The following RELN variants were observed in gnomAD, a reference collection of about 807,000 sequenced individuals.
RELN encodes the protein reelin.
RELN carries 108 observed loss-of-function variants against 427.6 expected under a neutral mutation model. The ratio of observed to expected loss-of-function variants is 0.25; its 90% CI spans 0.22 to 0.30. The LOEUF is 0.30. RELN is among the 10% of genes least tolerant of loss of function. The probability of loss-of-function intolerance (pLI) is 1.00; values close to 1 mark genes in which losing one functional copy is unlikely to be tolerated. For synonymous variants in RELN, 1,524 were observed against 1,513.4 expected (o/e 1.01, Z -0.16); for missense variants, 3,715 against 4,302.8 (o/e 0.86, Z 3.82).
chr7:103,907,096 A>T (rs1346260327), intron 2 of RELN, among the ~76,000 whole-genome samples: 1 of 152,152 alleles, frequency 6.6e-6, no homozygotes, highest in East Asian at 1.9e-4. Context: ...TTATGCCAGG[A>T]TAAACCTTGA....
In RELN at chr7:103,539,296, G is replaced by T. The variant is rs116065504; in HGVS notation, c.6962C>A (p.Thr2321Lys). Residue 2321 changes from threonine to lysine, a missense_variant, in exon 45 of 65, where the codon ACG (threonine) becomes AAG (lysine). Physicochemically the swap from Thr to Lys is moderately conservative, Grantham distance 78 (BLOSUM62 -1). Coordinates refer to ENST00000428762, the MANE Select transcript of RELN (RefSeq NM_005045.4). ...ILIGGNISGNTVLEDDFTTLD... is the reference protein window; with the variant it reads ...ILIGGNISGNKVLEDDFTTLD... ...GGTTGTGAAATCATCTTCCAAGACCGTATTACCAGAAATATTTCCTCCAAT... is the reference window on the plus strand; with the variant it reads ...GGTTGTGAAATCATCTTCCAAGACCTTATTACCAGAAATATTTCCTCCAAT... The T allele has an allele frequency of 6.2e-7, 1 of 1,613,758 alleles. No homozygotes were observed. The highest frequency in any genetic ancestry group is 8.5e-7 in the Non-Finnish European group (1 of 1,179,788).
chr7:103,911,690 T>C (rs1429998781), intron 2 of RELN, among the ~76,000 whole-genome samples: 1 of 146,546 alleles, frequency 6.8e-6, no homozygotes, highest in Non-Finnish European at 1.5e-5. Context: ...AATGATGAGT[T>C]CATGTCCTTT....
intron 3 of RELN, among the ~76,000 whole-genome samples, chr7:103,814,742 G>A (rs1289932126): frequency 6.9e-6 from 1 of 145,698 alleles, no homozygotes; most frequent in Non-Finnish European, 1.5e-5. Context: ...GGGTTCTACT[G>A]TGGGCTGTCA....
intron 61 of RELN, among the ~76,000 whole-genome samples, chr7:103,485,229 C>A (rs1195058090): frequency 1.2e-4 from 12 of 96,440 alleles, no homozygotes; most frequent in Admixed American, 5.1e-4. Flanking sequence ...TTTGGCAGGC[C>A]AAAAAAAAAA....
intron 10 of RELN, among the ~76,000 whole-genome samples, chr7:103,689,243 A>C (rs1239395571): frequency 6.6e-6 from 1 of 152,086 alleles, no homozygotes; most frequent in African/African-American, 2.4e-5. Flanking sequence ...CCACACAATG[A>C]ACTAGGGTAA....
At chr7:103,605,313 A>G (rs1584337215) in intron 22 of RELN, among the ~76,000 whole-genome samples, 1 of 152,298 alleles carries the variant, frequency 6.6e-6, no homozygotes, top group South Asian at 2.1e-4. Flanking sequence ...TACAAAGAAG[A>G]ATATCTGGAT....
chr7:103,853,909 A>ACTT (rs1793882725), intron 2 of RELN, among the ~76,000 whole-genome samples: 1 of 152,140 alleles, frequency 6.6e-6, no homozygotes, highest in Non-Finnish European at 1.5e-5. Flanking sequence ...CCTGTAGCAC[A>ACTT]GTTGGGTGAG....
intron 2 of RELN, among the ~76,000 whole-genome samples, chr7:103,889,001 A>G (rs910710818): frequency 3.3e-5 from 5 of 152,080 alleles, no homozygotes; most frequent in African/African-American, 1.2e-4. Flanking sequence ...TGACCTCAAC[A>G]TGCAGAGGAC....
chr7:103,802,962 T>C (rs1792505576), intron 3 of RELN, among the ~76,000 whole-genome samples: 1 of 152,168 alleles, frequency 6.6e-6, no homozygotes, highest in Non-Finnish European at 1.5e-5. Context: ...TACAAAGTAA[T>C]ATAACACCGT....
At chr7:103,980,691 C>A (rs1796972863) in intron 1 of RELN, among the ~76,000 whole-genome samples, 2 of 152,284 alleles carry the variant, frequency 1.3e-5, no homozygotes, top group Admixed American at 1.3e-4. Flanking sequence ...GTGAAAATTA[C>A]ATGAATTAAT....
Position 103,472,422 on chromosome 7 carries a change from C to T in RELN, c.*390G>A. ...TAAAACATGAGACATAGCCGAAATA[C>T]AGTCCACTTAAATAGCTTTGTGACC... On this transcript the variant is annotated 3_prime_UTR_variant, in exon 65 of 65. Transcript: ENST00000428762. 1 of 264,070 alleles carries T rather than the reference C, an allele frequency of 3.8e-6. No individual in the cohort carries two copies. The highest frequency in any genetic ancestry group is 7.4e-6 in the Non-Finnish European group (1 of 135,478). The allele number at this position is 264,070 out of a possible 1,614,324, so 16.4% of individuals were successfully genotyped here.
At chr7:103,720,770 T>C (rs946879807) in intron 8 of RELN, among the ~76,000 whole-genome samples, 2 of 152,188 alleles carry the variant, frequency 1.3e-5, no homozygotes, top group African/African-American at 2.4e-5. Flanking sequence ...TTCTAGAATT[T>C]GTGAGTGTTC....
intron 4 of RELN, among the ~76,000 whole-genome samples, chr7:103,773,365 C>G (rs1177201731): frequency 5.6e-5 from 2 of 35,620 alleles, no homozygotes; most frequent in Admixed American, 2.3e-4. Context: ...CCCTCTCTCT[C>G]TCTCCCTCCC....
intron 41 of RELN, among the ~76,000 whole-genome samples, chr7:103,547,425 T>C (rs1373857938): frequency 1.4e-5 from 2 of 146,254 alleles, no homozygotes; most frequent in Admixed American, 6.8e-5. Context: ...GCCTCCAGAG[T>C]AGCTGGGATT....
intron 3 of RELN, among the ~76,000 whole-genome samples, chr7:103,788,185 A>G (rs1792068502): frequency 6.6e-6 from 1 of 152,244 alleles, no homozygotes; most frequent in African/African-American, 2.4e-5. Context: ...GATGGAATGT[A>G]TCTCAAAATA....
At chr7:103,644,106 G>GA (rs568497177) in intron 16 of RELN, among the ~76,000 whole-genome samples, 1 of 150,808 alleles carries the variant, frequency 6.6e-6, no homozygotes, top group Middle Eastern at 3.2e-3. Flanking sequence ...ATCCTCAAGA[G>GA]AAAAAAAATT....
intron 11 of RELN, among the ~76,000 whole-genome samples, chr7:103,681,132 G>A (rs1833644638): frequency 6.6e-6 from 1 of 152,114 alleles, no homozygotes; most frequent in Admixed American, 6.5e-5. Flanking sequence ...GATACAACAA[G>A]CTAAAAAAGA....
rs536866667 is a variant in RELN, at chr7:103,629,852, A to G, written c.2702+88T>C. ...CTATTTAGTAAATACTTGTCAACAA[A>G]TGACTAAATGCTGAATAGACTGGAA... On this transcript the variant is annotated intron_variant, in intron 20 of 64. Transcript: ENST00000428762. The G allele has an allele frequency of 9.0e-5, 81 of 900,276 alleles. No individual in the cohort carries two copies. In the East Asian group the frequency reaches 1.9e-3, roughly 22 times the overall value. The allele number at this position is 900,276 out of a possible 1,614,324, so 55.8% of individuals were successfully genotyped here. A position where few individuals can be genotyped will look rare whatever the true frequency, so the allele number is the denominator to read the frequency against.
rs144996601 is a variant in RELN, at chr7:103,763,990, C to A, written c.545-10776G>T. ...CACACTGGATATAGACATGGATGACCACAAGGAATAAGCAAAGAAATGTGT... is the reference window on the plus strand; with the variant it reads ...CACACTGGATATAGACATGGATGACAACAAGGAATAAGCAAAGAAATGTGT... On this transcript the variant is annotated intron_variant, in intron 4 of 64. Transcript: ENST00000428762. 3.9e-5 allele frequency among the ~76,000 whole-genome samples: 6 copies of A among 152,192 alleles called. No individual in the cohort carries two copies. The East Asian group carries it at 1.2e-3, about 29-fold the overall frequency.
Sources: allele counts gnomAD v4.1 joint callset (sites outside exome capture counted in the v4.1 genomes callset), GRCh38; gene constraint gnomAD v4.1.1; transcripts MANE v1.5; gene names NCBI Gene and HGNC (gene_info 2026-07-23, HGNC 2026-07-21).